The following KCNB2 variants were observed in gnomAD, a reference collection of about 807,000 sequenced individuals.
KCNB2 encodes the protein delayed rectifier potassium channel protein.
A neutral mutation model predicts 61.5 loss-of-function variants in KCNB2; 15 were observed. The observed-to-expected ratio is 0.24, with a 90% CI of 0.16 to 0.38. The LOEUF (loss-of-function observed/expected upper bound fraction) is 0.38. KCNB2 is among the 10% of genes least tolerant of loss of function. KCNB2 has a pLI of 1.00. For synonymous variants in KCNB2, 457 were observed against 446.0 expected, an observed-to-expected ratio of 1.02 and a Z score of -0.31; for missense variants, 828 against 1,125.2, an observed-to-expected ratio of 0.74 and a Z score of 3.78.
Position 72,643,316 on chromosome 8 carries a change from G to C in KCNB2, c.579+75003G>C, listed in dbSNP as rs181992427. Among the ~76,000 whole-genome samples the C allele has an allele frequency of 2.6e-5, 4 of 152,272 alleles. 1 individual carries two copies. The highest frequency in any genetic ancestry group is 2.6e-4 in the Admixed American group (4 of 15,288). On this transcript the variant is annotated intron_variant, in intron 2 of 2. Coordinates refer to ENST00000523207, the MANE Select transcript of KCNB2 (RefSeq NM_004770.3). ...GTGTCACTGAGGAGGTATGGGATGG[G>C]CTAGAACTCCCTGGTAAGTAATTTA...
chr8:72,812,228 A>T (rs920877516), intron 2 of KCNB2, among the ~76,000 whole-genome samples: 4 of 152,056 alleles, frequency 2.6e-5, no homozygotes, highest in Non-Finnish European at 4.4e-5. Context: ...AGATCGCACC[A>T]CTGCCCTCCA....
chr8:72,913,608 C>T (rs1421170528), intron 2 of KCNB2, among the ~76,000 whole-genome samples: 2 of 152,058 alleles, frequency 1.3e-5, no homozygotes, highest in African/African-American at 2.4e-5. Flanking sequence ...ACTGGCATTC[C>T]GAGGATGGAT....
intron 2 of KCNB2, among the ~76,000 whole-genome samples, chr8:72,797,350 C>T (rs1809048243): frequency 6.6e-6 from 1 of 152,152 alleles, no homozygotes; most frequent in South Asian, 2.1e-4. Context: ...TTCCAACTTC[C>T]ATGGCTTACT....
chr8:72,744,470 G>A (rs989717852), intron 2 of KCNB2, among the ~76,000 whole-genome samples: 1 of 152,152 alleles, frequency 6.6e-6, no homozygotes, highest in African/African-American at 2.4e-5. Context: ...TTATGTTAGG[G>A]TTATTTGTGT....
intron 2 of KCNB2, among the ~76,000 whole-genome samples, chr8:72,664,602 A>G (rs1480614009): frequency 6.6e-6 from 1 of 152,192 alleles, no homozygotes; most frequent in Non-Finnish European, 1.5e-5. Flanking sequence ...GATTTGAAAG[A>G]TAGAAAGCAT....
At chr8:72,546,242 G>A (rs768419393) in intron 1 of KCNB2, among the ~76,000 whole-genome samples, 22 of 152,076 alleles carry the variant, frequency 1.4e-4, no homozygotes, top group Non-Finnish European at 2.8e-4. Context: ...TGGGCCGGGC[G>A]CAGTGGCTCA....
At chr8:72,759,291 G>T (rs1808340252) in intron 2 of KCNB2, among the ~76,000 whole-genome samples, 1 of 152,120 alleles carries the variant, frequency 6.6e-6, no homozygotes, top group Non-Finnish European at 1.5e-5. Flanking sequence ...AACTCGCCCT[G>T]TGGAGAAAAG....
intron 1 of KCNB2, among the ~76,000 whole-genome samples, chr8:72,566,534 T>TA (rs35033564): frequency 1.3e-4 from 19 of 144,834 alleles, no homozygotes; most frequent in South Asian, 2.2e-4. Context: ...ACCCTGTCTC[T>TA]AAAAAAAAAA....
At chr8:72,651,969 G>A (rs559393226) in intron 2 of KCNB2, among the ~76,000 whole-genome samples, 1 of 152,170 alleles carries the variant, frequency 6.6e-6, no homozygotes, top group South Asian at 2.1e-4. Flanking sequence ...CTAGTGGTTT[G>A]AGTCAGAAAA....
At chr8:72,576,710 A>C (rs775421500) in intron 2 of KCNB2, among the ~76,000 whole-genome samples, 6 of 152,200 alleles carry the variant, frequency 3.9e-5, no homozygotes, top group East Asian at 1.9e-4. Flanking sequence ...AGCAACATCC[A>C]GTTCTTAACC....
chr8:72,743,332 G>A (rs1807998199), intron 2 of KCNB2, among the ~76,000 whole-genome samples: 1 of 152,182 alleles, frequency 6.6e-6, no homozygotes, highest in African/African-American at 2.4e-5. Context: ...GGCAGTTATG[G>A]CCCAGAGAGA....
At chr8:72,699,051 A>G (rs993853750) in intron 2 of KCNB2, among the ~76,000 whole-genome samples, 2 of 152,224 alleles carry the variant, frequency 1.3e-5, no homozygotes, top group Admixed American at 6.6e-5. Flanking sequence ...AGAAACTATC[A>G]ACAGAGTAAA....
chr8:72,739,462 T>C (rs749215190), intron 2 of KCNB2, among the ~76,000 whole-genome samples: 4 of 151,906 alleles, frequency 2.6e-5, no homozygotes, highest in Non-Finnish European at 4.4e-5. Context: ...AGAAACAAAT[T>C]GGAGGGCACA....
At chr8:72,657,589 T>A (rs891861822) in intron 2 of KCNB2, among the ~76,000 whole-genome samples, 1 of 152,132 alleles carries the variant, frequency 6.6e-6, no homozygotes, top group African/African-American at 2.4e-5. Context: ...GAAGGTACAT[T>A]TATAAAACAG....
At chr8:72,837,090 A>G (rs1297663651) in intron 2 of KCNB2, among the ~76,000 whole-genome samples, 1 of 152,180 alleles carries the variant, frequency 6.6e-6, no homozygotes, top group East Asian at 1.9e-4. Context: ...TACTTTTTCA[A>G]TTCAATATAT....
chr8:72,705,396 A>G (rs1480904660), intron 2 of KCNB2, among the ~76,000 whole-genome samples: 1 of 152,246 alleles, frequency 6.6e-6, no homozygotes, highest in Non-Finnish European at 1.5e-5. Context: ...ATTCCCTCCC[A>G]TACATGGTCC....
intron 1 of KCNB2, among the ~76,000 whole-genome samples, chr8:72,542,461 C>T (rs1458996519): frequency 6.6e-6 from 1 of 151,898 alleles, no homozygotes; most frequent in Non-Finnish European, 1.5e-5. Flanking sequence ...CAGACCAATC[C>T]ACCAAAGCCC....
At chr8:72,803,730 G>A (rs1211830848) in intron 2 of KCNB2, among the ~76,000 whole-genome samples, 3 of 152,188 alleles carry the variant, frequency 2.0e-5, no homozygotes, top group Non-Finnish European at 2.9e-5. Context: ...GCAATGCTGA[G>A]AGAAATGCAA....
In KCNB2 at chr8:72,621,927, C is replaced by A. The variant is rs797019607; in HGVS notation, c.579+53614C>A. ...TTCATGTAACCTCAAGCATAGGCAA[C>A]ATTTTCCTATTTCATGTTATTTCAC... On this transcript the variant is annotated intron_variant, in intron 2 of 2. Coordinates refer to ENST00000523207, the MANE Select transcript of KCNB2 (RefSeq NM_004770.3). Among the ~76,000 whole-genome samples the A allele has an allele frequency of 2.4e-4, 36 of 152,326 alleles. 1 individual carries two copies. The highest frequency in any genetic ancestry group is 8.2e-4 in the African/African-American group (34 of 41,570).
Sources: gnomAD v4.1 joint callset for allele counts (sites outside exome capture counted in the v4.1 genomes callset) on GRCh38, gnomAD v4.1.1 for gene constraint, MANE v1.5 for transcripts, NCBI Gene and HGNC (gene_info 2026-07-23, HGNC 2026-07-21) for gene names.